GRAMD1B: variants seen among roughly 807,000 people sequenced by gnomAD.
GRAMD1B encodes protein Aster-B.
In GRAMD1B, 37 loss-of-function variants were observed where a neutral mutation model predicts 99.7. The ratio of observed to expected loss-of-function variants is 0.37; its 90% CI spans 0.29 to 0.49. The LOEUF is 0.49. Among genes scored for constraint, GRAMD1B ranks in the 20% least tolerant of loss-of-function variants. The pLI is 0.98. For missense variants in GRAMD1B, 888 were observed against 1,009.2 expected (o/e 0.88, Z 1.63); for synonymous variants, 427 against 387.6 (o/e 1.10, Z -1.19).
intron 2 of GRAMD1B, among the ~76,000 whole-genome samples, chr11:123,487,300 C>T (rs1459292478): frequency 6.6e-6 from 1 of 152,112 alleles, no homozygotes; most frequent in Non-Finnish European, 1.5e-5. Context: ...GAAAACTCTA[C>T]AGAGGGGGCT....
intron 7 of GRAMD1B, chr11:123,599,583 G>A (rs547900893): frequency 1.2e-4 from 48 of 406,450 alleles, no homozygotes; most frequent in Non-Finnish European, 2.1e-4. Context: ...GGTGATTCTT[G>A]TGCCTCAGCC....
chr11:123,541,882 A>G (rs1046468177), intron 2 of GRAMD1B, among the ~76,000 whole-genome samples: 3 of 152,150 alleles, frequency 2.0e-5, no homozygotes, highest in Non-Finnish European at 2.9e-5. Flanking sequence ...ACACCTTGAT[A>G]TAATATTATA....
chr11:123,445,030 C>T (rs1949575306), intron 1 of GRAMD1B, among the ~76,000 whole-genome samples: 1 of 152,188 alleles, frequency 6.6e-6, no homozygotes, highest in African/African-American at 2.4e-5. Flanking sequence ...ACTTCTGTCA[C>T]TCAGGAAAGT....
At chr11:123,619,013 G>A in intron 18 of GRAMD1B, 94 bp from the exon 19 acceptor site, 1 of 740,572 alleles carries the variant, frequency 1.4e-6, no homozygotes, top group Non-Finnish European at 2.3e-6. Flanking sequence ...AAAGCACTCT[G>A]ATGTGACTCT....
rs963035222 is a variant in GRAMD1B, at chr11:123,503,873, G to A, written c.452+22980G>A. Among the ~76,000 whole-genome samples, 7 of 152,024 alleles carry A rather than the reference G, an allele frequency of 4.6e-5. No homozygotes were observed. In the East Asian group the frequency reaches 5.8e-4, roughly 13 times the overall value. ...AATTTTACCATTTTTTAGTTACTGC[G>A]TTTTCACTTAAATCTTACCATTTTT... On this transcript the variant is annotated intron_variant, in intron 2 of 19. Coordinates refer to ENST00000635736, the MANE Select transcript of GRAMD1B (RefSeq NM_001387025.1).
chr11:123,522,841 G>T (rs781601289), intron 2 of GRAMD1B, among the ~76,000 whole-genome samples: 1 of 152,190 alleles, frequency 6.6e-6, no homozygotes, highest in African/African-American at 2.4e-5. Context: ...TCTTGATTTA[G>T]TCTCTTTTTT....
At chr11:123,482,730 A>C (rs2134868925) in intron 2 of GRAMD1B, among the ~76,000 whole-genome samples, 1 of 152,280 alleles carries the variant, frequency 6.6e-6, no homozygotes, top group South Asian at 2.1e-4. Context: ...GAGTCCATAA[A>C]AGAATGATTA....
intron 2 of GRAMD1B, among the ~76,000 whole-genome samples, chr11:123,573,339 A>G (rs1320364043): frequency 6.6e-6 from 1 of 152,222 alleles, no homozygotes; most frequent in Non-Finnish European, 1.5e-5. Flanking sequence ...ATCAAAAAGG[A>G]TGAAAAAAAT....
chr11:123,475,782 T>C (rs76504935), intron 1 of GRAMD1B, among the ~76,000 whole-genome samples: 1,609 of 152,298 alleles, frequency 0.011, 32 homozygotes, highest in African/African-American at 0.036. Context: ...CTGGATGTCT[T>C]CTCCCACTAA....
chr11:123,536,574 T>C (rs180891202), intron 2 of GRAMD1B, among the ~76,000 whole-genome samples: 2,922 of 152,248 alleles, frequency 0.019, 89 homozygotes, highest in African/African-American at 0.066. Flanking sequence ...GCTGCCCCTA[T>C]ATTTTTTTTG....
At chr11:123,590,475 T>C (rs1352842185) in intron 4 of GRAMD1B, among the ~76,000 whole-genome samples, 1 of 152,166 alleles carries the variant, frequency 6.6e-6, no homozygotes, top group African/African-American at 2.4e-5. Flanking sequence ...AGGAAACATC[T>C]GCTGGGGAGG....
intron 2 of GRAMD1B, among the ~76,000 whole-genome samples, chr11:123,569,548 G>C (rs1947822935): frequency 1.3e-5 from 2 of 152,124 alleles, no homozygotes; most frequent in Non-Finnish European, 1.5e-5. Flanking sequence ...TGGTTTAGTG[G>C]GGCAGACCTG....
intron 15 of GRAMD1B, chr11:123,613,157 G>A (rs1243195093): frequency 2.5e-5 from 14 of 551,064 alleles, no homozygotes; most frequent in African/African-American, 3.8e-5. Flanking sequence ...GCTCTGTGAC[G>A]AGAAGTATTT....
chr11:123,463,724 C>T (rs547263493), intron 1 of GRAMD1B, among the ~76,000 whole-genome samples: 14 of 152,122 alleles, frequency 9.2e-5, no homozygotes, highest in African/African-American at 2.7e-4. Flanking sequence ...TGTGACACAG[C>T]GCCCAATAGG....
At chr11:123,555,716 G>C (rs1454779446) in intron 2 of GRAMD1B, among the ~76,000 whole-genome samples, 1 of 151,978 alleles carries the variant, frequency 6.6e-6, no homozygotes, top group African/African-American at 2.4e-5. Context: ...CTGATACTCA[G>C]TTTTCTCATC....
At chr11:123,619,709 C>A in intron 19 of GRAMD1B, 2 of 175,948 alleles carry the variant, frequency 1.1e-5, no homozygotes, top group Non-Finnish European at 2.2e-5. Context: ...CTTTGTCGTA[C>A]AGTTTGCCTG....
chr11:123,552,757 T>C (rs1331600046), intron 2 of GRAMD1B, among the ~76,000 whole-genome samples: 4 of 152,146 alleles, frequency 2.6e-5, no homozygotes, highest in African/African-American at 9.7e-5. Context: ...TTTGACTCAA[T>C]TTTCTCTTCC....
At chr11:123,416,211 G>T (rs1414984182) in intron 1 of GRAMD1B, among the ~76,000 whole-genome samples, 1 of 152,134 alleles carries the variant, frequency 6.6e-6, no homozygotes, top group Non-Finnish European at 1.5e-5. Context: ...TGCTTCTCCT[G>T]TAATGAAAGG....
At chr11:123,435,996 G>A (rs1338584458) in intron 1 of GRAMD1B, among the ~76,000 whole-genome samples, 1 of 139,286 alleles carries the variant, frequency 7.2e-6, no homozygotes, top group Non-Finnish European at 1.5e-5. Context: ...AGGCTGGAGT[G>A]CAGTGGCTCA....
Sources: allele counts gnomAD v4.1 joint callset (sites outside exome capture counted in the v4.1 genomes callset), GRCh38; gene constraint gnomAD v4.1.1; transcripts MANE v1.5; gene names NCBI Gene and HGNC (gene_info 2026-07-23, HGNC 2026-07-21).